Variants in SYT1 observed in about 807,000 individuals in gnomAD.
The protein encoded by SYT1 is synaptotagmin 1.
SYT1 carries 8 observed loss-of-function variants against 44.8 expected under a neutral mutation model. The observed-to-expected ratio is 0.18, with a 90% CI of 0.10 to 0.32. SYT1 has a LOEUF of 0.32. Ranked by LOEUF, SYT1 falls within the 10% of genes least tolerant of loss-of-function variation. SYT1 has a pLI of 1.00. For synonymous variants in SYT1, 154 were observed against 188.8 expected (o/e 0.82, Z 1.51); for missense variants, 286 against 509.3 (o/e 0.56, Z 4.22).
At chr12:79,407,945 A>G (rs1885300840) in intron 9 of SYT1, among the ~76,000 whole-genome samples, 1 of 152,134 alleles carries the variant, frequency 6.6e-6, no homozygotes, top group Admixed American at 6.6e-5. Flanking sequence ...ATCTTGTTCA[A>G]ACTGCCTTCT....
intron 1 of SYT1, among the ~76,000 whole-genome samples, chr12:78,916,429 C>A (rs1271905213): frequency 1.3e-5 from 2 of 151,860 alleles, no homozygotes; most frequent in Non-Finnish European, 1.5e-5. Context: ...GTTACTGAAA[C>A]CAATATTCCT....
At chr12:79,220,513 T>G (rs1875094951) in intron 4 of SYT1, among the ~76,000 whole-genome samples, 1 of 152,034 alleles carries the variant, frequency 6.6e-6, no homozygotes, top group South Asian at 2.1e-4. Context: ...GCTATTTATT[T>G]AAGATTTTTC....
intron 3 of SYT1, among the ~76,000 whole-genome samples, chr12:79,160,705 A>G (rs1342712928): frequency 6.6e-6 from 1 of 152,132 alleles, no homozygotes; most frequent in Non-Finnish European, 1.5e-5. Context: ...ATAGTTGAAA[A>G]TGTGGTCTAT....
chr12:79,073,724 G>C (rs1039221657), intron 3 of SYT1, among the ~76,000 whole-genome samples: 1 of 152,068 alleles, frequency 6.6e-6, no homozygotes, highest in Non-Finnish European at 1.5e-5. Context: ...TTTGTTGTTG[G>C]CCAGAATTAC....
At chr12:78,909,932 GT>G (rs796702669) in intron 1 of SYT1, among the ~76,000 whole-genome samples, 8 of 151,972 alleles carry the variant, frequency 5.3e-5, no homozygotes, top group African/African-American at 1.9e-4. Flanking sequence ...CATTCATAAA[GT>G]TATCAGATAT....
At chr12:78,907,592 A>G (rs972750117) in intron 1 of SYT1, among the ~76,000 whole-genome samples, 4 of 152,020 alleles carry the variant, frequency 2.6e-5, no homozygotes, top group Non-Finnish European at 5.9e-5. Context: ...CAGAAGTTGC[A>G]TACTTATTAG....
intron 1 of SYT1, among the ~76,000 whole-genome samples, chr12:78,959,658 T>C (rs1879402250): frequency 6.6e-6 from 1 of 152,200 alleles, no homozygotes; most frequent in African/African-American, 2.4e-5. Flanking sequence ...AGCCTCTTAT[T>C]ACAAACAACA....
intron 4 of SYT1, among the ~76,000 whole-genome samples, chr12:79,281,783 C>G (rs2138813927): frequency 6.6e-6 from 1 of 152,268 alleles, no homozygotes; most frequent in East Asian, 1.9e-4. Flanking sequence ...TTCTTTGTAT[C>G]ACTTGAGTTC....
chr12:79,328,082 T>C (rs146588382), intron 8 of SYT1, among the ~76,000 whole-genome samples: 40 of 152,276 alleles, frequency 2.6e-4, no homozygotes, highest in African/African-American at 8.9e-4. Context: ...GAAAGCCAAT[T>C]TTTTGGCAGT....
chr12:79,032,398 C>A (rs1004638747), intron 2 of SYT1, among the ~76,000 whole-genome samples: 4 of 151,082 alleles, frequency 2.6e-5, no homozygotes, highest in Admixed American at 6.6e-5. Context: ...CTTTTTTACA[C>A]CACACAACTC....
At chr12:79,236,779 T>C (rs542130855) in intron 4 of SYT1, among the ~76,000 whole-genome samples, 1 of 152,234 alleles carries the variant, frequency 6.6e-6, no homozygotes, top group African/African-American at 2.4e-5. Context: ...TCTTACAATC[T>C]GATAAGAGAA....
At chr12:79,223,424 C>G (rs1467655992) in intron 4 of SYT1, among the ~76,000 whole-genome samples, 1 of 152,112 alleles carries the variant, frequency 6.6e-6, no homozygotes, top group African/African-American at 2.4e-5. Flanking sequence ...CTAAGGTGCT[C>G]TAACAGCTGG....
At chr12:79,017,823 G>A (rs1033551904) in intron 2 of SYT1, among the ~76,000 whole-genome samples, 3 of 152,010 alleles carry the variant, frequency 2.0e-5, no homozygotes, top group African/African-American at 7.2e-5. Context: ...GATAGAAAGA[G>A]TAACACAAGT....
chr12:79,185,370 C>G (rs1019207915), intron 3 of SYT1, among the ~76,000 whole-genome samples: 1 of 151,846 alleles, frequency 6.6e-6, no homozygotes, highest in African/African-American at 2.4e-5. Context: ...CTCCATCAGG[C>G]ACTTTTAGGG....
At chr12:79,220,787 A>G (rs1314043602) in intron 4 of SYT1, among the ~76,000 whole-genome samples, 2 of 152,142 alleles carry the variant, frequency 1.3e-5, no homozygotes, top group Non-Finnish European at 2.9e-5. Context: ...ATGGTCAGAA[A>G]AAAATAACTT....
At chr12:79,050,212 A>G (rs1874372815) in intron 3 of SYT1, among the ~76,000 whole-genome samples, 1 of 152,084 alleles carries the variant, frequency 6.6e-6, no homozygotes, top group East Asian at 1.9e-4. Context: ...TATTACTAAG[A>G]AAATTGTAAG....
chr12:79,012,742 A>T (rs1871499350), intron 2 of SYT1, among the ~76,000 whole-genome samples: 1 of 152,148 alleles, frequency 6.6e-6, no homozygotes, highest in Non-Finnish European at 1.5e-5. Context: ...GCTTCTGAAA[A>T]CAGGAGAGTG....
At chr12:78,896,929 T>C (rs1875391827) in intron 1 of SYT1, among the ~76,000 whole-genome samples, 1 of 151,792 alleles carries the variant, frequency 6.6e-6, no homozygotes, top group South Asian at 2.1e-4. Context: ...TTACTTTCAA[T>C]AAATGGAAAC....
At chr12:79,291,684 C>G in intron 5 of SYT1, 1 of 439,828 alleles carries the variant, frequency 2.3e-6, no homozygotes, top group South Asian at 1.7e-5. Flanking sequence ...TTTATCTTTC[C>G]TCTGAAAGCA....
Sources: gnomAD v4.1 joint callset for allele counts (sites outside exome capture counted in the v4.1 genomes callset) on GRCh38, gnomAD v4.1.1 for gene constraint, MANE v1.5 for transcripts, NCBI Gene and HGNC (gene_info 2026-07-23, HGNC 2026-07-21) for gene names.